Variants in PCDHGA2 observed in about 807,000 individuals in gnomAD.
PCDHGA2 encodes protocadherin gamma-A2.
Under a neutral mutation model 59.2 loss-of-function variants are expected in PCDHGA2, and 40 were observed. The ratio of observed to expected loss-of-function variants is 0.68; its 90% CI spans 0.52 to 0.88. The LOEUF is 0.88. Ranked by LOEUF, PCDHGA2 falls within the 40% of genes least tolerant of loss-of-function variation. PCDHGA2 has a pLI of 0.00. For synonymous variants in PCDHGA2, 560 were observed against 526.0 expected, an observed-to-expected ratio of 1.06 and a Z score of -0.89; for missense variants, 1,226 against 1,204.0, an observed-to-expected ratio of 1.02 and a Z score of -0.27.
chr5:141,478,920 C>T lies in PCDHGA2; in HGVS notation c.2425-15887C>T, dbSNP rs559060283. On this transcript the variant is annotated intron_variant, in intron 1 of 3. Transcript: ENST00000394576. Reference sequence around the variant, plus strand: ...GGAATAAGCTGCTGGATACCTCTAACCAGTGGCAGCTTCTAGGAATACAAA... The same window carrying T: ...GGAATAAGCTGCTGGATACCTCTAATCAGTGGCAGCTTCTAGGAATACAAA... 608 of 728,392 alleles carry T rather than the reference C, an allele frequency of 8.3e-4. 2 individuals are homozygous for T. The highest frequency in any genetic ancestry group is 1.2e-3 in the South Asian group (55 of 44,196). 45.1% of individuals were successfully genotyped at this position (728,392 alleles called of 1,614,324 possible).
chr5:141,368,540 AT>A (rs34785174), intron 1 of PCDHGA2, among the ~76,000 whole-genome samples: 1 of 152,116 alleles, frequency 6.6e-6, no homozygotes, highest in Middle Eastern at 3.4e-3. Context: ...TTGCTTTTCC[AT>A]TTTTTTTAAA....
intron 1 of PCDHGA2, among the ~76,000 whole-genome samples, chr5:141,445,180 GT>G (rs745433969): frequency 6.6e-6 from 1 of 152,148 alleles, no homozygotes; most frequent in Non-Finnish European, 1.5e-5. Flanking sequence ...GAAAAACTAT[GT>G]TTTTATGTAT....
At chr5:141,375,066 G>C (rs1463444937) in intron 1 of PCDHGA2, 2 of 1,613,990 alleles carry the variant, frequency 1.2e-6, no homozygotes, top group East Asian at 2.2e-5. Flanking sequence ...CCAGGTCTTC[G>C]AGACAGAGCG....
In PCDHGA2 at chr5:141,489,399, C is replaced by A. The variant is rs2099686689; in HGVS notation, c.2425-5408C>A. On this transcript the variant is annotated intron_variant, in intron 1 of 3. Coordinates refer to ENST00000394576, the MANE Select transcript of PCDHGA2 (RefSeq NM_018915.4). The surrounding 1 kb of genome is among the most constrained non-coding windows in gnomAD (Gnocchi z 4.5). ...TGGGGAATGTTGCTCAGGATCTGGGCTTAAAGATGACAGATCTGTTGAGCC... is the reference window on the plus strand; with the variant it reads ...TGGGGAATGTTGCTCAGGATCTGGGATTAAAGATGACAGATCTGTTGAGCC... 1 of 1,614,024 alleles carries A rather than the reference C, an allele frequency of 6.2e-7. No homozygotes were observed. Among genetic ancestry groups the A allele is most frequent in the African/African-American group, 1.3e-5 (1 of 74,910 alleles).
At chr5:141,351,879 C>A in intron 1 of PCDHGA2, 1 of 1,613,328 alleles carries the variant, frequency 6.2e-7, no homozygotes, top group Non-Finnish European at 8.5e-7. Flanking sequence ...GCGCTCAGCG[C>A]CAACGTGAGC....
chr5:141,471,658 G>T (rs1354815239), intron 1 of PCDHGA2: 1 of 152,106 alleles, frequency 6.6e-6, no homozygotes, highest in Admixed American at 6.5e-5. Flanking sequence ...ATGTGGGGAT[G>T]CAGAAAAAAA....
intron 1 of PCDHGA2, chr5:141,410,497 T>TG (rs1192894414): frequency 6.2e-7 from 1 of 1,613,998 alleles, no homozygotes; most frequent in South Asian, 1.1e-5. Flanking sequence ...AAGAGTTTAA[T>TG]TTCCTAAAAT....
chr5:141,361,638 T>G (rs756163399), intron 1 of PCDHGA2: 5 of 1,613,826 alleles, frequency 3.1e-6, no homozygotes, highest in East Asian at 2.2e-5. Context: ...CGCGGGAGAT[T>G]TTATCCTACG....
chr5:141,485,242 C>A lies in PCDHGA2; in HGVS notation c.2425-9565C>A, dbSNP rs747029550. ...CTACCCTTTTGTTCCTCTTTTACCA[C>A]CTGGGTTACGTTTGTGGGCAGATCC... On this transcript the variant is annotated intron_variant, in intron 1 of 3. Transcript: ENST00000394576. This position sits in a 1 kb window ranked among gnomAD's most constrained non-coding sequence, Gnocchi z 5.7. 7.4e-5 allele frequency: 119 copies of A among 1,614,054 alleles called. No individual in the cohort carries two copies. The highest frequency in any genetic ancestry group is 3.3e-4 in the Middle Eastern group (2 of 6,084).
chr5:141,339,137 C>T lies in PCDHGA2; in HGVS notation c.166C>T (p.Pro56Ser). 1 of 1,614,166 alleles carries T rather than the reference C, an allele frequency of 6.2e-7. No individual in the cohort carries two copies. The highest frequency in any genetic ancestry group is 8.5e-7 in the Non-Finnish European group (1 of 1,179,970). ...CATCGCCAAGGACTTGGGTTTGGAG[C>T]CCCTGGCACTGGCAGAGCAGGGAGT... Reference protein sequence around the residue: ...GNIAKDLGLEPLALAEQGVRI... With the variant: ...GNIAKDLGLESLALAEQGVRI... The change falls in exon 1 of 4, where the codon CCC becomes TCC. Residue 56 changes from proline (P) to serine (S), a missense_variant. Coordinates refer to ENST00000394576, the MANE Select transcript of PCDHGA2 (RefSeq NM_018915.4).
chr5:141,497,831 C>T (rs1336808833), intron 2 of PCDHGA2, among the ~76,000 whole-genome samples: 1 of 152,162 alleles, frequency 6.6e-6, no homozygotes, highest in Non-Finnish European at 1.5e-5. Flanking sequence ...TGATCGCCCC[C>T]GGCCACAACA....
At chr5:141,423,264 C>G (rs1452323474) in intron 1 of PCDHGA2, 1 of 1,613,986 alleles carries the variant, frequency 6.2e-7, no homozygotes. Flanking sequence ...TCGGCAGCCT[C>G]GAGTCTCTGG....
At chr5:141,428,102 G>T (rs774075619) in intron 1 of PCDHGA2, 38 of 1,608,516 alleles carry the variant, frequency 2.4e-5, no homozygotes, top group Non-Finnish European at 3.2e-5. Flanking sequence ...CCTACCACGT[G>T]CTGCAGGCCA....
rs781026604 is a variant in PCDHGA2, at chr5:141,490,471, C to G, written c.2425-4336C>G. ...CCACTACTCGCTGCTAACCAGCCAG[C>G]CTTTGGACCGGGAGGCCACATCCCA... On this transcript the variant is annotated intron_variant, in intron 1 of 3. Coordinates refer to ENST00000394576, the MANE Select transcript of PCDHGA2 (RefSeq NM_018915.4). The surrounding 1 kb of genome is among the most constrained non-coding windows in gnomAD (Gnocchi z 5.4). 12 of 1,614,096 alleles carry G rather than the reference C, an allele frequency of 7.4e-6. No homozygotes were observed. The highest frequency in any genetic ancestry group is 1.1e-5 in the South Asian group (1 of 91,092).
rs922042985 is a variant in PCDHGA2, at chr5:141,415,768, T to G, written c.2424+74373T>G. 1.6e-5 allele frequency: 22 copies of G among 1,345,224 alleles called. No homozygotes were observed. The African/African-American group carries it at 3.6e-4, about 22-fold the overall frequency. The allele number at this position is 1,345,224 out of a possible 1,614,324, so 83.3% of individuals were successfully genotyped here. ...TTTTTTTTTTTTTTTTTTTTTTTTT[T>G]TTTTACTTTCTGGTAAAATTCACCT... is the stretch of plus-strand genomic sequence containing the variant. On this transcript the variant is annotated intron_variant, in intron 1 of 3. Coordinates refer to ENST00000394576, the MANE Select transcript of PCDHGA2 (RefSeq NM_018915.4).
chr5:141,445,814 TA>T (rs1554133713), intron 1 of PCDHGA2, among the ~76,000 whole-genome samples: 1 of 152,182 alleles, frequency 6.6e-6, no homozygotes, highest in Non-Finnish European at 1.5e-5. Context: ...TAGATGAAAC[TA>T]ATAAGGCAGG....
intron 1 of PCDHGA2, chr5:141,342,397 CAG>C (rs1423561175): frequency 6.6e-6 from 1 of 152,114 alleles, no homozygotes; most frequent in Non-Finnish European, 1.5e-5. Context: ...TATTTAATAA[CAG>C]AGAATAATAA....
chr5:141,394,622 G>A (rs1472873845), intron 1 of PCDHGA2: 32 of 1,613,496 alleles, frequency 2.0e-5, no homozygotes, highest in Non-Finnish European at 2.6e-5. Flanking sequence ...AGAACGCCTG[G>A]CTGTCCTACC....
rs1043830490 is a variant in PCDHGA2, at chr5:141,357,171, C to T, written c.2424+15776C>T. On this transcript the variant is annotated intron_variant, in intron 1 of 3. Coordinates refer to ENST00000394576, the MANE Select transcript of PCDHGA2 (RefSeq NM_018915.4). Reference sequence around the variant, plus strand: ...ATGGCCAGCCCCCTCTCTCGGCCACCGTCACACTCACTGTGGCTGTGGCCG... The same window carrying T: ...ATGGCCAGCCCCCTCTCTCGGCCACTGTCACACTCACTGTGGCTGTGGCCG... 6 of 1,613,588 alleles carry T rather than the reference C, an allele frequency of 3.7e-6. No individual in the cohort carries two copies. The African/African-American group carries it at 4.0e-5, about 11-fold the overall frequency.
Sources: allele counts gnomAD v4.1 joint callset (sites outside exome capture counted in the v4.1 genomes callset), GRCh38; gene constraint gnomAD v4.1.1; non-coding constraint Gnocchi (gnomAD v3.1); transcripts MANE v1.5; gene names NCBI Gene and HGNC (gene_info 2026-07-23, HGNC 2026-07-21).